The following VWA3B variants were observed in gnomAD, a reference collection of about 807,000 sequenced individuals.
VWA3B encodes von Willebrand factor A domain containing 3B, also known as von Willebrand factor A domain-containing protein 3B.
Under a neutral mutation model 158.3 loss-of-function variants are expected in VWA3B, and 138 were observed. That is an observed-to-expected ratio of 0.87 (90% CI 0.76 to 1.00). VWA3B has a LOEUF of 1.00. Among genes scored for constraint, VWA3B ranks in the 50% least tolerant of loss-of-function variants. The pLI, the probability that VWA3B is intolerant of heterozygous loss-of-function variation, is 0.00. For synonymous variants in VWA3B, 596 were observed against 587.3 expected (o/e 1.01, Z -0.21); for missense variants, 1,555 against 1,565.1 (o/e 0.99, Z 0.11).
intron 23 of VWA3B, chr2:98,290,899 G>A: frequency 3.0e-6 from 1 of 333,020 alleles, no homozygotes; most frequent in Non-Finnish European, 5.5e-6. Context: ...TTGCATGTAT[G>A]TAATATTTTG....
chr2:98,202,283 A>G (rs1382953109), intron 12 of VWA3B, among the ~76,000 whole-genome samples: 16 of 152,174 alleles, frequency 1.1e-4, no homozygotes, highest in Non-Finnish European at 7.4e-5. Flanking sequence ...ATAGGGTTGA[A>G]TTTATGAGCA....
At chr2:98,165,002 G>T (rs1678944359) in intron 8 of VWA3B, among the ~76,000 whole-genome samples, 1 of 152,122 alleles carries the variant, frequency 6.6e-6, no homozygotes, top group Non-Finnish European at 1.5e-5. Context: ...TGATGCTGAG[G>T]AACCACTGTA....
At chr2:98,099,109 A>T (rs116804946) in intron 2 of VWA3B, 1 of 152,180 alleles carries the variant, frequency 6.6e-6, no homozygotes, top group African/African-American at 2.4e-5. Flanking sequence ...TACTAATGAT[A>T]TAAGTAATTT....
intron 19 of VWA3B, among the ~76,000 whole-genome samples, chr2:98,244,373 C>G (rs1686260395): frequency 6.6e-6 from 1 of 151,930 alleles, no homozygotes; most frequent in South Asian, 2.1e-4. Context: ...AATGGTATTT[C>G]AATTTCAATT....
chr2:98,193,565 A>G (rs1161437222), intron 11 of VWA3B, among the ~76,000 whole-genome samples: 2 of 151,962 alleles, frequency 1.3e-5, no homozygotes, highest in Admixed American at 6.6e-5. Context: ...CATAGAAATA[A>G]TAGCGGGGAG....
chr2:98,213,669 G>A (rs1485337440), intron 13 of VWA3B, among the ~76,000 whole-genome samples: 1 of 152,114 alleles, frequency 6.6e-6, no homozygotes, highest in African/African-American at 2.4e-5. Context: ...AGTAGGCTTG[G>A]GGGTGGCTGG....
chr2:98,089,740 C>T (rs913816030), intron 1 of VWA3B, among the ~76,000 whole-genome samples: 15 of 148,378 alleles, frequency 1.0e-4, no homozygotes, highest in Non-Finnish European at 1.5e-5. Context: ...CAAATATTCT[C>T]AGGCTACAAA....
chr2:98,196,585 C>G (rs1051749075), intron 12 of VWA3B, among the ~76,000 whole-genome samples: 2 of 152,092 alleles, frequency 1.3e-5, no homozygotes, highest in Non-Finnish European at 2.9e-5. Context: ...CAAGCTGTGG[C>G]CGCGCCTGCC....
chr2:98,234,019 A>G (rs932775899), intron 16 of VWA3B, among the ~76,000 whole-genome samples: 8 of 152,260 alleles, frequency 5.3e-5, no homozygotes, highest in Non-Finnish European at 7.3e-5. Flanking sequence ...ACAGGGTAGA[A>G]AATAACATAA....
the VWA3B span, among the ~76,000 whole-genome samples, chr2:98,320,403 G>A: frequency 6.6e-6 from 1 of 152,202 alleles, no homozygotes; most frequent in Non-Finnish European, 1.5e-5. Context: ...GGGTGCTGCT[G>A]TAAAGATACC....
chr2:98,291,936 C>G (rs1166356899), intron 23 of VWA3B: 1 of 146,764 alleles, frequency 6.8e-6, no homozygotes, highest in African/African-American at 2.5e-5. Flanking sequence ...TGAGGAAGCT[C>G]TGTCAGGCAA....
rs10211067 is a variant in VWA3B at position 98,087,196 on chromosome 2, G to T, written c.-200G>T. 76,557 of 152,078 alleles carry T rather than the reference G, an allele frequency of 0.5. 21,095 individuals carry two copies. The highest frequency in any genetic ancestry group is 0.72 in the African/African-American group (29,741 of 41,474). 9.4% of individuals were successfully genotyped at this position (152,078 alleles called of 1,614,324 possible). On this transcript the variant is annotated 5_prime_UTR_variant, in exon 1 of 28. Transcript: ENST00000477737. The stretch of plus-strand genomic sequence containing the variant: ...GCGCGGGTCACAGAGACCTAGAACA[G>T]CTGGAATCCTTCGCCCCCGGCGCGC...
chr2:98,172,219 T>C (rs1045817038), intron 8 of VWA3B, among the ~76,000 whole-genome samples: 5 of 152,198 alleles, frequency 3.3e-5, no homozygotes, highest in African/African-American at 4.8e-5. Flanking sequence ...CCAGGTTTTA[T>C]TGAGTGGAAT....
At chr2:98,093,001 T>C in intron 1 of VWA3B, 60 bp from the exon 2 acceptor site, 1 of 1,227,518 alleles carries the variant, frequency 8.1e-7, no homozygotes, top group Non-Finnish European at 1.1e-6. Context: ...GCCAGTCCCC[T>C]GTTGACGTTA....
At chr2:98,097,276 A>T (rs1011008416) in intron 2 of VWA3B, among the ~76,000 whole-genome samples, 1 of 152,060 alleles carries the variant, frequency 6.6e-6, no homozygotes, top group Admixed American at 6.6e-5. Flanking sequence ...GAGTCTCCAA[A>T]TTCCATTGTA....
At chr2:98,232,295 CT>C (rs1480948492) in intron 16 of VWA3B, among the ~76,000 whole-genome samples, 1 of 152,166 alleles carries the variant, frequency 6.6e-6, no homozygotes, top group Non-Finnish European at 1.5e-5. Context: ...CCTTTGTTAG[CT>C]TTTTAATGGC....
At position 98,297,975 on chromosome 2, in the gene VWA3B, G is replaced by C. The variant is rs771997362; in HGVS notation, c.3226G>C (p.Val1076Leu). ...VGFSYGDTKV[V>L]STSFITPVGG... ...CTTCAGTTACGGAGACACCAAGGTC[G>C]TGTCCACCTCCTTCATCACGCCTGT... The change falls in exon 24 of 28, where the codon GTG (valine) becomes CTG (leucine). Residue 1076 changes from valine (V) to leucine (L), a missense_variant. By Grantham distance (32) the Val-to-Leu change is conservative. Coordinates refer to ENST00000477737, the MANE Select transcript of VWA3B (RefSeq NM_144992.5). 13 of 1,587,812 alleles carry C rather than the reference G, an allele frequency of 8.2e-6. No individual in the cohort carries two copies. The highest frequency in any genetic ancestry group is 4.6e-5 in the South Asian group (4 of 87,204).
At chr2:98,184,045 T>G (rs1680810371) in intron 9 of VWA3B, among the ~76,000 whole-genome samples, 1 of 152,252 alleles carries the variant, frequency 6.6e-6, no homozygotes, top group African/African-American at 2.4e-5. Context: ...GCGGGACCTG[T>G]GAGAGGTTAG....
At chr2:98,104,392 A>G (rs1320989926) in intron 2 of VWA3B, among the ~76,000 whole-genome samples, 3 of 152,190 alleles carry the variant, frequency 2.0e-5, no homozygotes, top group Admixed American at 6.5e-5. Flanking sequence ...TGCAGATCAC[A>G]TGTCAAGAGA....
Sources: allele counts gnomAD v4.1 joint callset (sites outside exome capture counted in the v4.1 genomes callset), GRCh38; gene constraint gnomAD v4.1.1; transcripts MANE v1.5; gene names NCBI Gene and HGNC (gene_info 2026-07-23, HGNC 2026-07-21).